The following DNAH11 variants were observed in gnomAD, a reference collection of about 807,000 sequenced individuals.
DNAH11 encodes axonemal beta dynein heavy chain 11.
In DNAH11, 442 loss-of-function variants were observed where a neutral mutation model predicts 526.0. The observed-to-expected ratio is 0.84, with a 90% CI of 0.78 to 0.91. DNAH11 has a LOEUF of 0.91. Among genes scored for constraint, DNAH11 ranks in the 40% least tolerant of loss-of-function variants. DNAH11 has a pLI of 0.00. For missense variants in DNAH11, 6,989 were observed against 5,448.7 expected (o/e 1.28, Z -8.90); for synonymous variants, 2,461 against 1,935.9 (o/e 1.27, Z -7.12).
intron 9 of DNAH11, 120 bp from the exon 10 acceptor site, chr7:21,587,944 C>T: frequency 1.1e-6 from 1 of 909,136 alleles, no homozygotes; most frequent in Non-Finnish European, 1.6e-6. Flanking sequence ...TGAAGCATCA[C>T]AGGATGCTTT....
At chr7:21,731,017 G>A (rs1031850287) in intron 45 of DNAH11, among the ~76,000 whole-genome samples, 10 of 152,102 alleles carry the variant, frequency 6.6e-5, no homozygotes, top group East Asian at 1.9e-4. Flanking sequence ...GGTGGTGTGC[G>A]CCTATAATCC....
At chr7:21,851,350 C>T (rs542385635) in intron 66 of DNAH11, 13 of 290,172 alleles carry the variant, frequency 4.5e-5, no homozygotes, top group East Asian at 3.2e-4. Flanking sequence ...CCCAGCTATA[C>T]GGAACTATGA....
rs141621570 is a variant in DNAH11 at position 21,716,395 on chromosome 7, T to G, written c.6984-1380T>G. ...ACTTTATACATGCAAACTTACATAATCCTCACAACCACCCCAGGAGGTTCA... is the reference window on the plus strand; with the variant it reads ...ACTTTATACATGCAAACTTACATAAGCCTCACAACCACCCCAGGAGGTTCA... On this transcript the variant is annotated intron_variant, in intron 42 of 81. Coordinates refer to ENST00000409508, the MANE Select transcript of DNAH11 (RefSeq NM_001277115.2). 3.6e-3 allele frequency among the ~76,000 whole-genome samples: 543 copies of G among 152,296 alleles called. 9 individuals are homozygous for G. The highest frequency in any genetic ancestry group is 0.011 in the African/African-American group (467 of 41,564).
At chr7:21,719,024 C>T (rs771711675) in intron 43 of DNAH11, among the ~76,000 whole-genome samples, 2 of 152,036 alleles carry the variant, frequency 1.3e-5, no homozygotes, top group African/African-American at 2.4e-5. Flanking sequence ...AAAGCATTAT[C>T]GTGTTCTTTC....
intron 55 of DNAH11, 126 bp downstream of exon 55, chr7:21,765,715 T>C: frequency 8.0e-7 from 1 of 1,252,246 alleles, no homozygotes; most frequent in Non-Finnish European, 1.1e-6. Context: ...ATCAGAAAGC[T>C]ATCCTGATTT....
At chr7:21,898,766 C>T (rs552895832) in intron 79 of DNAH11, among the ~76,000 whole-genome samples, 1 of 152,330 alleles carries the variant, frequency 6.6e-6, no homozygotes, top group East Asian at 1.9e-4. Flanking sequence ...GTTTCTCAAC[C>T]CACCGGCGTG....
intron 38 of DNAH11, among the ~76,000 whole-genome samples, chr7:21,705,136 C>T (rs545384546): frequency 6.7e-6 from 1 of 150,088 alleles, no homozygotes; most frequent in South Asian, 2.1e-4. Context: ...GGATATAAAT[C>T]ATTAGTTGTA....
intron 54 of DNAH11, among the ~76,000 whole-genome samples, chr7:21,752,338 C>A (rs1246152048): frequency 6.6e-6 from 1 of 152,204 alleles, no homozygotes; most frequent in Non-Finnish European, 1.5e-5. Flanking sequence ...ATCCCCTCTT[C>A]TTGAATTTGG....
At chr7:21,807,323 GC>G (rs1789307581) in intron 62 of DNAH11, among the ~76,000 whole-genome samples, 1 of 152,028 alleles carries the variant, frequency 6.6e-6, no homozygotes, top group Admixed American at 6.6e-5. Flanking sequence ...ACATGGTGAA[GC>G]CCCGTCTCTA....
At chr7:21,565,615 G>C (rs1196830927) in intron 6 of DNAH11, among the ~76,000 whole-genome samples, 1 of 152,102 alleles carries the variant, frequency 6.6e-6, no homozygotes, top group Non-Finnish European at 1.5e-5. Flanking sequence ...TGTGGGAAAG[G>C]CTTTGGACCT....
At chr7:21,544,969 A>C in intron 1 of DNAH11, 37 bp from the exon 2 acceptor site, 1 of 1,517,706 alleles carries the variant, frequency 6.6e-7, no homozygotes. Flanking sequence ...TGTTAACAAG[A>C]AAACTACTTG....
intron 46 of DNAH11, among the ~76,000 whole-genome samples, chr7:21,736,409 G>A (rs755485927): frequency 2.0e-5 from 3 of 152,156 alleles, no homozygotes; most frequent in Non-Finnish European, 4.4e-5. Context: ...ATCACCGAAA[G>A]AGCTGATGTC....
chr7:21,578,651 G>A (rs1784193356), intron 8 of DNAH11, among the ~76,000 whole-genome samples: 1 of 152,174 alleles, frequency 6.6e-6, no homozygotes, highest in Non-Finnish European at 1.5e-5. Flanking sequence ...CACTGCCCTA[G>A]CAGAGGTTCT....
At chr7:21,718,722 C>A (rs1379808861) in intron 43 of DNAH11, among the ~76,000 whole-genome samples, 1 of 152,088 alleles carries the variant, frequency 6.6e-6, no homozygotes, top group African/African-American at 2.4e-5. Flanking sequence ...CAATTAGAAA[C>A]CCCCACACCC....
chr7:21,650,305 T>C (rs1336115489), intron 28 of DNAH11, among the ~76,000 whole-genome samples: 2 of 152,166 alleles, frequency 1.3e-5, no homozygotes, highest in Non-Finnish European at 1.5e-5. Flanking sequence ...ATTATGTAAG[T>C]AATTGCATGT....
chr7:21,735,299 C>G (rs1431582219), intron 45 of DNAH11, among the ~76,000 whole-genome samples: 1 of 152,192 alleles, frequency 6.6e-6, no homozygotes, highest in Admixed American at 6.5e-5. Flanking sequence ...ATATTCCCTT[C>G]TGTGCTTACC....
Position 21,704,648 on chromosome 7 carries a change from T to G in DNAH11, c.6468+20T>G. On this transcript the variant is annotated intron_variant, in intron 38 of 81. Coordinates refer to ENST00000409508, the MANE Select transcript of DNAH11 (RefSeq NM_001277115.2). ...CTCAAAGTAAAAGGAGCATTTGCTT[T>G]TCATGGCAGCTGTTGGGATTGTCAG... The G allele has an allele frequency of 6.3e-7, 1 of 1,581,422 alleles. No individual in the cohort carries two copies. The highest frequency in any genetic ancestry group is 8.5e-7 in the Non-Finnish European group (1 of 1,170,440).
At chr7:21,868,467 G>A (rs77191395) in intron 72 of DNAH11, among the ~76,000 whole-genome samples, 2,651 of 146,560 alleles carry the variant, frequency 0.018, 74 homozygotes, top group African/African-American at 0.063. Context: ...CAAGGTGAGA[G>A]GCTTGTGCAT....
chr7:21,892,489 A>G lies in DNAH11; in HGVS notation c.12572A>G (p.Tyr4191Cys). The G allele has an allele frequency of 5.0e-6, 8 of 1,613,978 alleles. No homozygotes were observed. The highest frequency in any genetic ancestry group is 5.9e-6 in the Non-Finnish European group (7 of 1,179,890). Reference protein sequence around the residue: ...AAPPYLDYAGYHQYIEEMLPP... With the variant: ...AAPPYLDYAGCHQYIEEMLPP... The stretch of plus-strand genomic sequence containing the variant: ...CCACCCTACCTAGATTATGCAGGCT[A>G]CCACCAGTACATAGAGGAGATGCTT... Residue 4191 changes from tyrosine (Y) to cysteine (C), a missense_variant, in exon 77 of 82, where the codon TAC becomes TGC. Tyr to Cys is a radical substitution (Grantham distance 194). Transcript: ENST00000409508.
Sources: allele counts gnomAD v4.1 joint callset (sites outside exome capture counted in the v4.1 genomes callset), GRCh38; gene constraint gnomAD v4.1.1; transcripts MANE v1.5; gene names NCBI Gene and HGNC (gene_info 2026-07-23, HGNC 2026-07-21).